SLIT3: variants seen among roughly 807,000 people sequenced by gnomAD.
The protein encoded by SLIT3 is slit homolog 3 protein.
SLIT3 carries 68 observed loss-of-function variants against 184.0 expected under a neutral mutation model. That is an observed-to-expected ratio of 0.37 (90% CI 0.30 to 0.45). The LOEUF (loss-of-function observed/expected upper bound fraction) is 0.45, where lower values mean the gene tolerates loss of function less well. Among genes scored for constraint, SLIT3 ranks in the 20% least tolerant of loss-of-function variants. The pLI, the probability that SLIT3 is intolerant of heterozygous loss-of-function variation, is 1.00. For synonymous variants in SLIT3, 831 were observed against 828.6 expected (o/e 1.00, Z -0.05); for missense variants, 1,707 against 2,026.0 (o/e 0.84, Z 3.02).
At chr5:169,082,656 AGATT>A (rs1759118874) in intron 4 of SLIT3, among the ~76,000 whole-genome samples, 1 of 152,238 alleles carries the variant, frequency 6.6e-6, no homozygotes, top group Non-Finnish European at 1.5e-5. Context: ...CAGAACCAAA[AGATT>A]AAGAGTTATC....
At chr5:169,205,112 G>T (rs2113496941) in intron 3 of SLIT3, among the ~76,000 whole-genome samples, 1 of 152,316 alleles carries the variant, frequency 6.6e-6, no homozygotes, top group African/African-American at 2.4e-5. Context: ...TAATGAGGGA[G>T]GGGGCCTCAT....
At position 169,240,235 on chromosome 5, in the gene SLIT3, C is replaced by T. The variant is rs527481844; in HGVS notation, c.341+4470G>A. Among the ~76,000 whole-genome samples the T allele has an allele frequency of 2.0e-5, 3 of 151,872 alleles. No individual in the cohort carries two copies. The South Asian group carries it at 6.2e-4, about 32-fold the overall frequency. On this transcript the variant is annotated intron_variant, in intron 3 of 35. Coordinates refer to ENST00000519560, the MANE Select transcript of SLIT3 (RefSeq NM_003062.4). ...TCTATTCTATGTTGTTTAGAGTGTT[C>T]TCTATATATCAGTTACATCAGGTTT...
chr5:169,084,362 C>A (rs1415585024), intron 4 of SLIT3, among the ~76,000 whole-genome samples: 2 of 151,106 alleles, frequency 1.3e-5, no homozygotes, highest in Non-Finnish European at 2.9e-5. Context: ...GTGATCTCAG[C>A]TCACTGCAAC....
chr5:169,056,615 A>C (rs1260513712), intron 4 of SLIT3, among the ~76,000 whole-genome samples: 2 of 152,170 alleles, frequency 1.3e-5, no homozygotes, highest in Non-Finnish European at 2.9e-5. Context: ...AAAAAGATTA[A>C]ATGAAGTTCG....
In SLIT3 at chr5:169,190,095, G is replaced by C. The variant is rs552117633; in HGVS notation, c.413+3384C>G. Reference sequence around the variant, plus strand: ...TCTCTAAGCAAGTGGGATGAACACAGCTTGATAATCAGAGGACACCATCTC... The same window carrying C: ...TCTCTAAGCAAGTGGGATGAACACACCTTGATAATCAGAGGACACCATCTC... On this transcript the variant is annotated intron_variant, in intron 4 of 35. Transcript: ENST00000519560. Among the ~76,000 whole-genome samples, 9 of 152,310 alleles carry C rather than the reference G, an allele frequency of 5.9e-5. No homozygotes were observed. In the South Asian group the frequency reaches 1.9e-3, roughly 32 times the overall value.
chr5:168,712,992 A>G (rs965315655), intron 23 of SLIT3, among the ~76,000 whole-genome samples: 4 of 152,216 alleles, frequency 2.6e-5, no homozygotes, highest in Non-Finnish European at 5.9e-5. Context: ...CTTGAAGGGT[A>G]TCTGTATCAA....
intron 4 of SLIT3, among the ~76,000 whole-genome samples, chr5:169,137,051 C>T (rs7721496): frequency 0.061 from 9,294 of 152,070 alleles, 992 homozygotes; most frequent in African/African-American, 0.21. Context: ...CAGAAAGCTT[C>T]ACCAAGGGGC....
intron 6 of SLIT3, among the ~76,000 whole-genome samples, chr5:168,831,581 C>T (rs1474674862): frequency 6.6e-6 from 1 of 152,164 alleles, no homozygotes; most frequent in African/African-American, 2.4e-5. Flanking sequence ...TCTCATTTGA[C>T]ACCTCAAATT....
intron 5 of SLIT3, among the ~76,000 whole-genome samples, chr5:168,846,852 A>T (rs531770315): frequency 1.3e-5 from 2 of 152,208 alleles, no homozygotes; most frequent in Non-Finnish European, 2.9e-5. Flanking sequence ...ACATGTACAG[A>T]ATTTTATGTG....
At chr5:168,837,417 G>A (rs1219202132) in intron 6 of SLIT3, among the ~76,000 whole-genome samples, 1 of 152,088 alleles carries the variant, frequency 6.6e-6, no homozygotes, top group Non-Finnish European at 1.5e-5. Context: ...CTGTAGCTCC[G>A]ATTTTGTTCC....
intron 32 of SLIT3, among the ~76,000 whole-genome samples, chr5:168,681,269 T>C (rs1761581149): frequency 6.6e-6 from 1 of 152,234 alleles, no homozygotes; most frequent in African/African-American, 2.4e-5. Context: ...TTGATATGTG[T>C]GTCTTCCTCC....
At chr5:168,980,754 GA>G (rs1281028464) in intron 4 of SLIT3, among the ~76,000 whole-genome samples, 1 of 152,202 alleles carries the variant, frequency 6.6e-6, no homozygotes, top group African/African-American at 2.4e-5. Context: ...AGAAGTTTGG[GA>G]GAAAAGTAAT....
chr5:169,128,276 A>ATATATATACATATATATATTTT (rs980245098), intron 4 of SLIT3, among the ~76,000 whole-genome samples: 2 of 147,202 alleles, frequency 1.4e-5, no homozygotes, highest in African/African-American at 4.9e-5. Flanking sequence ...ATATATATTT[A>ATATATATACATATATATATTTT]TATATATATA....
At chr5:169,129,513 T>C (rs1232174842) in intron 4 of SLIT3, among the ~76,000 whole-genome samples, 1 of 151,976 alleles carries the variant, frequency 6.6e-6, no homozygotes, top group Non-Finnish European at 1.5e-5. Context: ...GATTGCGCCA[T>C]TGCACTCCAG....
intron 4 of SLIT3, among the ~76,000 whole-genome samples, chr5:169,106,829 C>T (rs1760229804): frequency 6.6e-6 from 1 of 152,208 alleles, no homozygotes; most frequent in African/African-American, 2.4e-5. Context: ...TTCAAAAAAG[C>T]AAAAGTCCTT....
intron 4 of SLIT3, among the ~76,000 whole-genome samples, chr5:168,937,118 G>T (rs747464112): frequency 2.8e-4 from 42 of 152,044 alleles, no homozygotes; most frequent in Non-Finnish European, 5.6e-4. Flanking sequence ...TGAAGTTGGG[G>T]GGAAAAGCTC....
At chr5:168,738,025 G>C (rs1763493264) in intron 20 of SLIT3, among the ~76,000 whole-genome samples, 1 of 152,134 alleles carries the variant, frequency 6.6e-6, no homozygotes, top group Non-Finnish European at 1.5e-5. Flanking sequence ...TTTAAATTAG[G>C]AACTTCGTGC....
intron 4 of SLIT3, among the ~76,000 whole-genome samples, chr5:169,005,765 T>C (rs906644448): frequency 1.3e-5 from 2 of 152,250 alleles, no homozygotes; most frequent in Non-Finnish European, 2.9e-5. Flanking sequence ...GCAGACATCA[T>C]ACTTGCCTTG....
At chr5:169,067,601 A>G (rs976990981) in intron 4 of SLIT3, among the ~76,000 whole-genome samples, 1 of 152,176 alleles carries the variant, frequency 6.6e-6, no homozygotes, top group African/African-American at 2.4e-5. Context: ...TGCAGCTCAT[A>G]AACCTCCTGC....
Sources: allele counts gnomAD v4.1 joint callset (sites outside exome capture counted in the v4.1 genomes callset), GRCh38; gene constraint gnomAD v4.1.1; transcripts MANE v1.5; gene names NCBI Gene and HGNC (gene_info 2026-07-23, HGNC 2026-07-21).